Variants in SLC9A9 observed in about 807,000 individuals in gnomAD.
SLC9A9 encodes sodium/hydrogen exchanger 9.
Under a neutral mutation model 77.8 loss-of-function variants are expected in SLC9A9, and 62 were observed. The ratio of observed to expected loss-of-function variants is 0.80; its 90% CI spans 0.65 to 0.98. The LOEUF is 0.98. SLC9A9 is among the 50% of genes least tolerant of loss of function. The probability of loss-of-function intolerance (pLI) is 0.00; values close to 1 mark genes in which losing one functional copy is unlikely to be tolerated. For missense variants in SLC9A9, 775 were observed against 774.9 expected (o/e 1.00, Z 0.00); for synonymous variants, 320 against 283.5 (o/e 1.13, Z -1.29).
At chr3:143,267,431 C>T (rs377145567) in intron 15 of SLC9A9, among the ~76,000 whole-genome samples, 5 of 148,866 alleles carry the variant, frequency 3.4e-5, no homozygotes, top group African/African-American at 1.3e-4. Context: ...TTACTTCAAC[C>T]TCTGGTCTCT....
At chr3:143,733,818 A>G (rs1474713281) in intron 4 of SLC9A9, among the ~76,000 whole-genome samples, 8 of 152,040 alleles carry the variant, frequency 5.3e-5, no homozygotes, top group Admixed American at 5.2e-4. Flanking sequence ...TTCCACCAAT[A>G]CTACCACACC....
At chr3:143,845,296 G>C (rs2009808595) in intron 1 of SLC9A9, among the ~76,000 whole-genome samples, 1 of 152,110 alleles carries the variant, frequency 6.6e-6, no homozygotes, top group Non-Finnish European at 1.5e-5. Context: ...TTCATTTATA[G>C]CTGTTGGACA....
At chr3:143,558,417 G>A (rs2037025199) in intron 8 of SLC9A9, among the ~76,000 whole-genome samples, 1 of 152,150 alleles carries the variant, frequency 6.6e-6, no homozygotes, top group South Asian at 2.1e-4. Flanking sequence ...AAAAGCAACA[G>A]ACACCCAATA....
intron 4 of SLC9A9, among the ~76,000 whole-genome samples, chr3:143,749,324 C>A (rs75610874): frequency 6.6e-6 from 1 of 151,980 alleles, no homozygotes; most frequent in South Asian, 2.1e-4. Context: ...AAAAATGTAT[C>A]CATGGTTAAC....
intron 14 of SLC9A9, among the ~76,000 whole-genome samples, chr3:143,274,361 C>T (rs1459911180): frequency 6.6e-6 from 1 of 152,102 alleles, no homozygotes; most frequent in Admixed American, 6.5e-5. Flanking sequence ...TCCCATTTTA[C>T]AGATCAAGAA....
chr3:143,472,087 G>A (rs2035387071), intron 11 of SLC9A9, among the ~76,000 whole-genome samples: 1 of 152,144 alleles, frequency 6.6e-6, no homozygotes, highest in African/African-American at 2.4e-5. Context: ...ATATTTCTTA[G>A]GGCATCTTGA....
At position 143,266,284 on chromosome 3, in the gene SLC9A9, A is replaced by C; in HGVS notation, c.*418T>G. On this transcript the variant is annotated 3_prime_UTR_variant, in exon 16 of 16. Coordinates refer to ENST00000316549, the MANE Select transcript of SLC9A9 (RefSeq NM_173653.4). Reference sequence around the variant, plus strand: ...GCATTCCCTTCAGCTTAGGAGCAAAATGTTTACTCTCAGAAGCTTTCTTTT... The same window carrying C: ...GCATTCCCTTCAGCTTAGGAGCAAACTGTTTACTCTCAGAAGCTTTCTTTT... 1 of 590,744 alleles carries C rather than the reference A, an allele frequency of 1.7e-6. No individual in the cohort carries two copies. The highest frequency in any genetic ancestry group is 3.0e-6 in the Non-Finnish European group (1 of 333,192). 36.6% of individuals were successfully genotyped at this position (590,744 alleles called of 1,614,324 possible). A position where few individuals can be genotyped will look rare whatever the true frequency, so the allele number is the denominator to read the frequency against.
chr3:143,846,401 G>A (rs2108902211), intron 1 of SLC9A9, among the ~76,000 whole-genome samples: 1 of 152,272 alleles, frequency 6.6e-6, no homozygotes, highest in Non-Finnish European at 1.5e-5. Flanking sequence ...TATTAGTCAA[G>A]TCAAGAGAAA....
At chr3:143,499,894 C>T (rs537718539) in intron 9 of SLC9A9, among the ~76,000 whole-genome samples, 1 of 152,284 alleles carries the variant, frequency 6.6e-6, no homozygotes, top group South Asian at 2.1e-4. Flanking sequence ...TTTTCGAATG[C>T]TAAAACAGTC....
intron 6 of SLC9A9, among the ~76,000 whole-genome samples, chr3:143,599,355 A>G (rs1256911227): frequency 1.3e-5 from 2 of 152,246 alleles, no homozygotes; most frequent in African/African-American, 4.8e-5. Context: ...CTAATAATAA[A>G]AGGACTTTTC....
chr3:143,443,572 A>T (rs1487345995), intron 12 of SLC9A9, among the ~76,000 whole-genome samples: 1 of 152,140 alleles, frequency 6.6e-6, no homozygotes, highest in Non-Finnish European at 1.5e-5. Context: ...GAGCATTTTT[A>T]ATTTGCCTGG....
rs2009876757 is a variant in SLC9A9, at chr3:143,848,423, A to C, written c.-101T>G. On this transcript the variant is annotated 5_prime_UTR_variant, in exon 1 of 16. Coordinates refer to ENST00000316549, the MANE Select transcript of SLC9A9 (RefSeq NM_173653.4). ...TGACTGCCTGAGAATTTCAGAAGAAACACTGCCACTTTAGTTGCTACTTCA... is the reference window on the plus strand; with the variant it reads ...TGACTGCCTGAGAATTTCAGAAGAACCACTGCCACTTTAGTTGCTACTTCA... 6.7e-7 allele frequency: 1 copy of C among 1,485,264 alleles called. No homozygotes were observed. The highest frequency in any genetic ancestry group is 9.4e-7 in the Non-Finnish European group (1 of 1,067,380). 92.0% of individuals were successfully genotyped at this position (1,485,264 alleles called of 1,614,324 possible). A position where few individuals can be genotyped will look rare whatever the true frequency, so the allele number is the denominator to read the frequency against.
intron 5 of SLC9A9, among the ~76,000 whole-genome samples, chr3:143,653,739 G>A (rs76981585): frequency 0.013 from 1,929 of 152,202 alleles, 41 homozygotes; most frequent in African/African-American, 0.044. Flanking sequence ...ATAATTTCAG[G>A]AAGAGATGAG....
chr3:143,517,016 T>G, intron 9 of SLC9A9: 1 of 710,782 alleles, frequency 1.4e-6, no homozygotes, highest in Non-Finnish European at 2.4e-6. Context: ...TTTGAGCAAT[T>G]TCTGTTTATT....
At chr3:143,284,806 C>CT (rs1460169260) in intron 14 of SLC9A9, among the ~76,000 whole-genome samples, 1 of 152,110 alleles carries the variant, frequency 6.6e-6, no homozygotes, top group Non-Finnish European at 1.5e-5. Flanking sequence ...AGGGTCCCTG[C>CT]TGTTCAGTCA....
At chr3:143,447,606 G>T (rs565475614) in intron 12 of SLC9A9, among the ~76,000 whole-genome samples, 90 of 152,206 alleles carry the variant, frequency 5.9e-4, no homozygotes, top group African/African-American at 2.1e-3. Context: ...CCCAGAAAAG[G>T]CAAACAATTC....
At chr3:143,485,959 A>G (rs2035647663) in intron 11 of SLC9A9, among the ~76,000 whole-genome samples, 1 of 152,128 alleles carries the variant, frequency 6.6e-6, no homozygotes, top group African/African-American at 2.4e-5. Flanking sequence ...ATGAACTCCA[A>G]GTAGATGAAC....
chr3:143,400,720 CAAA>C (rs36147058), intron 12 of SLC9A9, among the ~76,000 whole-genome samples: 65,322 of 137,270 alleles, frequency 0.48, 15,613 homozygotes, highest in African/African-American at 0.66. Flanking sequence ...TGAATTTATG[CAAA>C]AAAAAAAAAA....
intron 14 of SLC9A9, among the ~76,000 whole-genome samples, chr3:143,308,575 C>CA (rs72347142): frequency 0.24 from 33,532 of 138,672 alleles, 3,860 homozygotes; most frequent in Admixed American, 0.29. Flanking sequence ...GACTCTGTCT[C>CA]AAAAAAAAAA....
Sources: allele counts gnomAD v4.1 joint callset (sites outside exome capture counted in the v4.1 genomes callset), GRCh38; gene constraint gnomAD v4.1.1; transcripts MANE v1.5; gene names NCBI Gene and HGNC (gene_info 2026-07-23, HGNC 2026-07-21).